Variants in RPP38 observed in about 807,000 individuals in gnomAD.
RPP38 encodes ribonuclease P/MRP subunit p38, also known as ribonuclease P protein subunit p38.
Under a neutral mutation model 1.7 loss-of-function variants are expected in RPP38, and 2 were observed. That is an observed-to-expected ratio of 1.18 (90% confidence interval 0.48 to 3.70). RPP38 has a LOEUF of 3.70. Ranked by LOEUF, RPP38 falls within the 30% of genes most tolerant of loss-of-function variation. The pLI, the probability that RPP38 is intolerant of heterozygous loss-of-function variation, is 0.07. For missense variants in RPP38, 358 were observed against 340.1 expected (o/e 1.05, Z -0.41); for synonymous variants, 151 against 131.8 (o/e 1.15, Z -1.00).
At chr10:15,099,563 C>A (rs1344294669) in intron 1 of RPP38, among the ~76,000 whole-genome samples, 1 of 151,958 alleles carries the variant, frequency 6.6e-6, no homozygotes, top group African/African-American at 2.4e-5. Flanking sequence ...CAGCCTCCGC[C>A]TTCTGGGTTC....
rs1389714841 is a variant in RPP38 at position 15,103,483 on chromosome 10, C to T, written c.169C>T (p.Leu57Phe). The T allele has an allele frequency of 3.1e-6, 5 of 1,613,924 alleles. No homozygotes were observed. The highest frequency in any genetic ancestry group is 3.3e-5 in the Admixed American group (2 of 59,990). The change falls in exon 3 of 3, where the codon CTT (leucine) becomes TTT (phenylalanine). Residue 57 changes from leucine to phenylalanine, a missense_variant. Transcript: ENST00000378197. ...TGAGGACAGGCTTAAAGCTATTGGA[C>T]TTCAGAAGATTGAAGATAAGAAGAA... ...TLEDRLKAIG[L>F]QKIEDKKKKN...
At chr10:15,098,226 G>GCTT in intron 1 of RPP38, among the ~76,000 whole-genome samples, 1 of 88,010 alleles carries the variant, frequency 1.1e-5, no homozygotes, top group Non-Finnish European at 2.1e-5. Context: ...ATTTGAACGT[G>GCTT]TTTTTTTTTT....
At chr10:15,099,476 C>CT (rs758952385) in intron 1 of RPP38, among the ~76,000 whole-genome samples, 15,724 of 141,880 alleles carry the variant, frequency 0.11, 1,056 homozygotes, top group African/African-American at 0.19. Flanking sequence ...TATAGAATTT[C>CT]TTTTTTTTTT....
At position 15,104,117 on chromosome 10, in the gene RPP38, CTAA is replaced by C; in HGVS notation, c.807_809del (p.Asn269del). 1 of 1,584,654 alleles carries C rather than the reference CTAA, an allele frequency of 6.3e-7. No individual in the cohort carries two copies. The highest frequency in any genetic ancestry group is 8.5e-7 in the Non-Finnish European group (1 of 1,171,888). ...AAAATAAAGAAACTGATTCCAAACC[CTAA>C]TAAGATAAGGAAACCACCCAAAAGT... On this transcript the variant is annotated inframe_deletion, in exon 3 of 3. Transcript: ENST00000378197.
intron 1 of RPP38, among the ~76,000 whole-genome samples, chr10:15,100,110 C>T (rs1845070052): frequency 6.6e-6 from 1 of 152,192 alleles, no homozygotes; most frequent in Admixed American, 6.5e-5. Flanking sequence ...TGAGATTATG[C>T]TTATCCAGAC....
intron 2 of RPP38, 142 bp from the exon 3 acceptor site, chr10:15,103,163 G>C (rs1845167098): frequency 1.3e-6 from 1 of 747,460 alleles, no homozygotes; most frequent in Non-Finnish European, 2.0e-6. Context: ...CTGCACTCCA[G>C]CCTGGGCAAC....
At chr10:15,099,336 C>A (rs1238933217) in intron 1 of RPP38, among the ~76,000 whole-genome samples, 1 of 152,070 alleles carries the variant, frequency 6.6e-6, no homozygotes, top group East Asian at 1.9e-4. Flanking sequence ...TTTTATGTCA[C>A]ATTAGAGTTT....
intron 2 of RPP38, chr10:15,102,614 T>C (rs899912563): frequency 2.6e-5 from 4 of 152,158 alleles, no homozygotes; most frequent in African/African-American, 9.7e-5. Flanking sequence ...ACAGAATATT[T>C]TTAATAAATG....
chr10:15,103,338 G>A lies in RPP38; in HGVS notation c.24G>A (p.Pro8=), dbSNP rs150199834. 176 of 1,578,720 alleles carry A rather than the reference G, an allele frequency of 1.1e-4. No homozygotes were observed. Among genetic ancestry groups the A allele is most frequent in the Middle Eastern group, 1.0e-3 (6 of 5,896 alleles). MAAAPQA[P]GRGSLRKTRP... ...AAATGGCTGCAGCTCCTCAAGCACC[G>A]GGGCGGGGATCTCTCCGTAAGACGA... is the stretch of plus-strand genomic sequence containing the variant. Residue 8 remains proline (P), a synonymous_variant, in exon 3 of 3, where the codon CCG becomes CCA. Transcript: ENST00000378197.
Position 15,102,194 on chromosome 10 carries a change from ATTTT to A in RPP38, c.-129-8_-129-5del, listed in dbSNP as rs10542485. 4.8e-4 allele frequency: 64 copies of A among 133,224 alleles called. No individual in the cohort carries two copies. The highest frequency in any genetic ancestry group is 5.8e-4 in the African/African-American group (21 of 36,366). The allele number at this position is 133,224 out of a possible 1,614,324, so 8.3% of individuals were successfully genotyped here. A position where few individuals can be genotyped will look rare whatever the true frequency, so the allele number is the denominator to read the frequency against. The stretch of plus-strand genomic sequence containing the variant: ...CTTGCATACTGGAGGTGCTCAGATC[ATTTT>A]TTTTTTTTTTTTTTTGCAGACAGGG... On this transcript the variant is annotated intron_variant, in intron 1 of 2. Transcript: ENST00000378197.
At chr10:15,100,863 A>C (rs889529615) in intron 1 of RPP38, among the ~76,000 whole-genome samples, 1 of 152,078 alleles carries the variant, frequency 6.6e-6, no homozygotes, top group African/African-American at 2.4e-5. Flanking sequence ...TGTATTTTTT[A>C]GTAGAGACGG....
At chr10:15,101,715 C>T (rs561889640) in intron 1 of RPP38, among the ~76,000 whole-genome samples, 4 of 152,120 alleles carry the variant, frequency 2.6e-5, no homozygotes, top group African/African-American at 9.6e-5. Flanking sequence ...ACATGGTGAA[C>T]CCCATCTCTA....
chr10:15,098,876 C>T (rs534202039), intron 1 of RPP38, among the ~76,000 whole-genome samples: 1 of 131,654 alleles, frequency 7.6e-6, no homozygotes, highest in East Asian at 2.1e-4. Context: ...CAGAATGAGA[C>T]TCCGTCTCAA....
chr10:15,101,998 C>T (rs1017371437), intron 1 of RPP38, among the ~76,000 whole-genome samples: 4 of 151,996 alleles, frequency 2.6e-5, no homozygotes, highest in South Asian at 4.1e-4. Context: ...CAAAAGTGGA[C>T]GTGACAGTGT....
rs755541255 is a variant in RPP38 at position 15,103,474 on chromosome 10, G to A, written c.160G>A (p.Ala54Thr). ...ACAGACGCTTGAGGACAGGCTTAAA[G>A]CTATTGGACTTCAGAAGATTGAAGA... is the stretch of plus-strand genomic sequence containing the variant. Reference protein sequence around the residue: ...ILQTLEDRLKAIGLQKIEDKK... With the variant: ...ILQTLEDRLKTIGLQKIEDKK... The change falls in exon 3 of 3, where the codon GCT becomes ACT. Residue 54 changes from alanine (A) to threonine (T), a missense_variant. Ala to Thr is a moderately conservative substitution (Grantham distance 58). Coordinates refer to ENST00000378197, the MANE Select transcript of RPP38 (RefSeq NM_183005.5). 6.2e-7 allele frequency: 1 copy of A among 1,614,146 alleles called. No individual in the cohort carries two copies. Among genetic ancestry groups the A allele is most frequent in the South Asian group, 1.1e-5 (1 of 91,076 alleles).
At chr10:15,098,342 A>C (rs1379873425) in intron 1 of RPP38, among the ~76,000 whole-genome samples, 1 of 141,742 alleles carries the variant, frequency 7.1e-6, no homozygotes, top group African/African-American at 2.7e-5. Context: ...CTCCTGCCTC[A>C]GCCTCCCGAG....
rs770458219 is a variant in RPP38 at position 15,103,804 on chromosome 10, C to T, written c.490C>T (p.Leu164Phe). Reference sequence around the variant, plus strand: ...TGTCCCTGCCTGTCAGGTCCCCCGGCTCAGTGAGAGAATCGCCCCCGTCAT... The same window carrying T: ...TGTCCCTGCCTGTCAGGTCCCCCGGTTCAGTGAGAGAATCGCCCCCGTCAT... The part of the protein sequence containing the change: ...RSVPACQVPR[L>F]SERIAPVIGL... The change falls in exon 3 of 3, where the codon CTC becomes TTC. Residue 164 changes from leucine to phenylalanine, a missense_variant. Leu to Phe is a conservative substitution (Grantham distance 22). Transcript: ENST00000378197. 43 of 1,613,930 alleles carry T rather than the reference C, an allele frequency of 2.7e-5. No homozygotes were observed. The highest frequency in any genetic ancestry group is 3.3e-4 in the Middle Eastern group (2 of 6,084).
chr10:15,098,226 GTTTTTTTT>G (rs60451551), intron 1 of RPP38, among the ~76,000 whole-genome samples: 2 of 88,012 alleles, frequency 2.3e-5, no homozygotes, highest in African/African-American at 5.2e-5. Context: ...ATTTGAACGT[GTTTTTTTT>G]TTTTTTTTTT....
chr10:15,103,944 CAG>C lies in RPP38; in HGVS notation c.632_633del (p.Arg211AsnfsTer2). On this transcript the variant is annotated frameshift_variant, in exon 3 of 3. Transcript: ENST00000378197. LOFTEE classifies it low-confidence loss of function (END_TRUNC). ...PSLSVPWLQD[R>X]IEDSGENLET... ...GTTTAAGTGTACCATGGCTTCAAGA[CAG>C]AATTGAAGATTCTGGGGAAAATTTA... The C allele has an allele frequency of 1.2e-6, 2 of 1,614,128 alleles. No homozygotes were observed. Among genetic ancestry groups the C allele is most frequent in the South Asian group, 2.2e-5 (2 of 91,076 alleles).
Sources: allele counts gnomAD v4.1 joint callset (sites outside exome capture counted in the v4.1 genomes callset), GRCh38; gene constraint gnomAD v4.1.1; transcripts MANE v1.5; gene names NCBI Gene and HGNC (gene_info 2026-07-23, HGNC 2026-07-21).